Variants in DIS3L2 observed in about 807,000 individuals in gnomAD.
DIS3L2 encodes the protein DIS3 like 3'-5' exoribonuclease 2.
Under a neutral mutation model 97.5 loss-of-function variants are expected in DIS3L2, and 34 were observed. The observed-to-expected ratio is 0.35, with a 90% confidence interval of 0.27 to 0.46. The LOEUF (loss-of-function observed/expected upper bound fraction) is 0.46, where lower values mean the gene tolerates loss of function less well. Ranked by LOEUF, DIS3L2 falls within the 20% of genes least tolerant of loss-of-function variation. The pLI is 1.00. For missense variants in DIS3L2, 1,038 were observed against 1,146.0 expected (o/e 0.91, Z 1.36); for synonymous variants, 435 against 445.2 (o/e 0.98, Z 0.29).
chr2:232,243,163 C>A (rs926487789), intron 11 of DIS3L2, among the ~76,000 whole-genome samples: 3 of 152,084 alleles, frequency 2.0e-5, no homozygotes, highest in African/African-American at 7.2e-5. Flanking sequence ...ACAAAGCAAT[C>A]GTGTTTTGAA....
At chr2:232,107,389 A>G (rs1199836024) in intron 6 of DIS3L2, among the ~76,000 whole-genome samples, 1 of 152,194 alleles carries the variant, frequency 6.6e-6, no homozygotes, top group Non-Finnish European at 1.5e-5. Flanking sequence ...GAAGATTCAA[A>G]TAAATACAAT....
At chr2:232,083,175 G>T (rs928061975) in intron 5 of DIS3L2, among the ~76,000 whole-genome samples, 3 of 151,768 alleles carry the variant, frequency 2.0e-5, no homozygotes, top group African/African-American at 7.3e-5. Flanking sequence ...GCCAAACCAT[G>T]TCGCCTTCTC....
chr2:232,224,745 A>G (rs566700591), intron 10 of DIS3L2, among the ~76,000 whole-genome samples: 4 of 152,054 alleles, frequency 2.6e-5, no homozygotes, highest in Admixed American at 2.0e-4. Flanking sequence ...AGGCTGAGGC[A>G]TGAGAATCAT....
chr2:232,326,635 T>G (rs1046450754), intron 14 of DIS3L2, among the ~76,000 whole-genome samples: 3 of 148,640 alleles, frequency 2.0e-5, no homozygotes, highest in African/African-American at 7.8e-5. Context: ...AAGTGGACTT[T>G]CTGTGGTGCT....
At chr2:232,207,596 C>A (rs1270270234) in intron 9 of DIS3L2, among the ~76,000 whole-genome samples, 1 of 152,116 alleles carries the variant, frequency 6.6e-6, no homozygotes, top group Non-Finnish European at 1.5e-5. Context: ...TGACTCTCCT[C>A]GAAATATTTA....
intron 14 of DIS3L2, among the ~76,000 whole-genome samples, chr2:232,326,961 GCCTGAGGTCTGTGGT>G: frequency 6.6e-6 from 1 of 152,348 alleles, no homozygotes; most frequent in East Asian, 1.9e-4. Context: ...GAAGCAGCTT[GCCTGAGGTCTGTGGT>G]CTTGGCAGGG....
chr2:232,015,252 G>T (rs1453587121), intron 2 of DIS3L2, among the ~76,000 whole-genome samples: 2 of 152,142 alleles, frequency 1.3e-5, no homozygotes, highest in African/African-American at 4.8e-5. Context: ...TCTATAAATA[G>T]CAAAGAATAC....
chr2:232,246,442 C>A (rs562490009), intron 11 of DIS3L2, among the ~76,000 whole-genome samples: 9 of 152,292 alleles, frequency 5.9e-5, no homozygotes, highest in Admixed American at 2.0e-4. Context: ...CGGGAGAGGG[C>A]CAGGGCACAA....
At position 232,330,728 on chromosome 2, in the gene DIS3L2, A is replaced by T; in HGVS notation, c.1962A>T (p.Ser654=). ...LTQTFGDDKY[S]LARKEVLTNM... ...AAACATTTGGAGATGACAAGTACTCACTGGCCCGCAAGGAGGTGCTCACCA... is the reference window on the plus strand; with the variant it reads ...AAACATTTGGAGATGACAAGTACTCTCTGGCCCGCAAGGAGGTGCTCACCA... The change falls in exon 16 of 21, where the codon TCA becomes TCT. Residue 654 remains serine (S), a synonymous_variant. Coordinates refer to ENST00000325385, the MANE Select transcript of DIS3L2 (RefSeq NM_152383.5). 6.2e-7 allele frequency: 1 copy of T among 1,613,714 alleles called. No individual in the cohort carries two copies. The highest frequency in any genetic ancestry group is 8.5e-7 in the Non-Finnish European group (1 of 1,179,984).
At chr2:231,976,219 A>G (rs1693086958) in intron 1 of DIS3L2, among the ~76,000 whole-genome samples, 1 of 149,022 alleles carries the variant, frequency 6.7e-6, no homozygotes, top group African/African-American at 2.5e-5. Context: ...CTATTTAACT[A>G]CTGTATGCTT....
intron 9 of DIS3L2, among the ~76,000 whole-genome samples, chr2:232,205,616 A>G (rs1369064915): frequency 6.6e-6 from 1 of 152,060 alleles, no homozygotes; most frequent in East Asian, 1.9e-4. Context: ...TTTTTTTAAA[A>G]ATTAGGAAAT....
intron 14 of DIS3L2, among the ~76,000 whole-genome samples, chr2:232,305,587 A>G (rs1423593071): frequency 2.6e-5 from 4 of 152,028 alleles, no homozygotes; most frequent in African/African-American, 4.8e-5. Context: ...AAGAGTACCA[A>G]TTCTCTTATT....
intron 4 of DIS3L2, among the ~76,000 whole-genome samples, chr2:232,026,917 ATTC>A (rs1694675000): frequency 2.0e-5 from 3 of 152,098 alleles, no homozygotes; most frequent in Admixed American, 2.0e-4. Flanking sequence ...TGCCTCTTTT[ATTC>A]TTTTATTTGG....
chr2:232,092,645 T>G (rs1178523862), intron 6 of DIS3L2, among the ~76,000 whole-genome samples: 1 of 152,206 alleles, frequency 6.6e-6, no homozygotes, highest in Non-Finnish European at 1.5e-5. Context: ...TTATTTAATT[T>G]TATTTATAAC....
chr2:232,146,005 A>G (rs1262307819), intron 8 of DIS3L2, among the ~76,000 whole-genome samples: 1 of 152,228 alleles, frequency 6.6e-6, no homozygotes, highest in Admixed American at 6.5e-5. Flanking sequence ...GGATAGGGAC[A>G]GTACTGATGA....
intron 6 of DIS3L2, among the ~76,000 whole-genome samples, chr2:232,109,683 GC>G (rs1397319539): frequency 6.6e-6 from 1 of 151,826 alleles, no homozygotes; most frequent in Non-Finnish European, 1.5e-5. Context: ...TTGAAATTGG[GC>G]CCCTTCCTTA....
In DIS3L2 at chr2:232,271,822, G is replaced by C. The variant is rs558373632; in HGVS notation, c.1659+8382G>C. Among the ~76,000 whole-genome samples the C allele has an allele frequency of 1.3e-4, 20 of 152,258 alleles. No individual in the cohort carries two copies. In the South Asian group the frequency reaches 4.1e-3, roughly 32 times the overall value. ...GGAGCGTGAATTTCAGCCGTCGCGG[G>C]TGTTGGAATCTCCCCTTTGAGAAAA... is the stretch of plus-strand genomic sequence containing the variant. On this transcript the variant is annotated intron_variant, in intron 13 of 20. Transcript: ENST00000325385.
intron 1 of DIS3L2, among the ~76,000 whole-genome samples, chr2:231,972,229 A>G (rs1465867611): frequency 6.6e-6 from 1 of 152,148 alleles, no homozygotes; most frequent in African/African-American, 2.4e-5. Flanking sequence ...AAATAGGAGT[A>G]TACTCTAAAA....
At chr2:232,095,546 T>A (rs547756023) in intron 6 of DIS3L2, among the ~76,000 whole-genome samples, 16 of 152,328 alleles carry the variant, frequency 1.1e-4, no homozygotes, top group Admixed American at 3.3e-4. Context: ...TTATTATTTT[T>A]AATTGGTTTA....
Sources: allele counts gnomAD v4.1 joint callset (sites outside exome capture counted in the v4.1 genomes callset), GRCh38; gene constraint gnomAD v4.1.1; transcripts MANE v1.5; gene names NCBI Gene and HGNC (gene_info 2026-07-23, HGNC 2026-07-21).